PCDH9: variants seen among roughly 807,000 people sequenced by gnomAD.
The protein encoded by PCDH9 is protocadherin-9.
Under a neutral mutation model 70.6 loss-of-function variants are expected in PCDH9, and 24 were observed. That is an observed-to-expected ratio of 0.34 (90% CI 0.25 to 0.48). The LOEUF (loss-of-function observed/expected upper bound fraction) is 0.48. Among genes scored for constraint, PCDH9 ranks in the 20% least tolerant of loss-of-function variants. The pLI is 0.99. For synonymous variants in PCDH9, 562 were observed against 558.5 expected, an observed-to-expected ratio of 1.01 and a Z score of -0.09; for missense variants, 1,281 against 1,503.6, an observed-to-expected ratio of 0.85 and a Z score of 2.45.
chr13:66,734,486 C>T (rs957185142), intron 3 of PCDH9, among the ~76,000 whole-genome samples: 1 of 152,076 alleles, frequency 6.6e-6, no homozygotes, highest in African/African-American at 2.4e-5. Flanking sequence ...ATCTTGTGAA[C>T]CCTGCAAATT....
intron 2 of PCDH9, among the ~76,000 whole-genome samples, chr13:67,115,784 A>C (rs1414681646): frequency 6.6e-6 from 1 of 152,228 alleles, no homozygotes; most frequent in African/African-American, 2.4e-5. Context: ...TGGACCAAAT[A>C]GAATATCTTA....
At chr13:66,908,302 A>T (rs1269547574) in intron 2 of PCDH9, among the ~76,000 whole-genome samples, 3 of 152,194 alleles carry the variant, frequency 2.0e-5, no homozygotes, top group Non-Finnish European at 4.4e-5. Flanking sequence ...CAAGGATGCT[A>T]TACACTCATG....
chr13:66,961,831 T>C (rs1466963481), intron 2 of PCDH9, among the ~76,000 whole-genome samples: 1 of 151,204 alleles, frequency 6.6e-6, no homozygotes, highest in Non-Finnish European at 1.5e-5. Flanking sequence ...GGCGGGTGGC[T>C]CACGAGATCA....
At chr13:66,410,895 C>G (rs922894269) in intron 4 of PCDH9, among the ~76,000 whole-genome samples, 1 of 152,026 alleles carries the variant, frequency 6.6e-6, no homozygotes, top group African/African-American at 2.4e-5. Flanking sequence ...AGAAATGTAT[C>G]AATAATGAAA....
chr13:66,564,149 T>C (rs1593686865), intron 4 of PCDH9, among the ~76,000 whole-genome samples: 1 of 152,104 alleles, frequency 6.6e-6, no homozygotes, highest in African/African-American at 2.4e-5. Flanking sequence ...ACCACTTGTT[T>C]CAATGTTTTA....
At chr13:66,528,798 G>T (rs1306066179) in intron 4 of PCDH9, among the ~76,000 whole-genome samples, 1 of 152,014 alleles carries the variant, frequency 6.6e-6, no homozygotes, top group Non-Finnish European at 1.5e-5. Flanking sequence ...CTCCCCCTGA[G>T]AATTATAAAC....
At chr13:66,831,313 T>C (rs1260929134) in intron 3 of PCDH9, among the ~76,000 whole-genome samples, 1 of 152,182 alleles carries the variant, frequency 6.6e-6, no homozygotes, top group African/African-American at 2.4e-5. Context: ...TCTTTAACAT[T>C]GACAGAGTAC....
At chr13:66,756,362 T>A (rs569594710) in intron 3 of PCDH9, among the ~76,000 whole-genome samples, 1 of 152,192 alleles carries the variant, frequency 6.6e-6, no homozygotes, top group East Asian at 1.9e-4. Context: ...TAAATTAGCA[T>A]AGAAGACTAT....
intron 3 of PCDH9, among the ~76,000 whole-genome samples, chr13:66,765,027 G>C (rs969009004): frequency 6.9e-6 from 1 of 144,112 alleles, no homozygotes; most frequent in Non-Finnish European, 1.5e-5. Context: ...TTTCTCTTTC[G>C]CTCTCTCTCT....
intron 2 of PCDH9, among the ~76,000 whole-genome samples, chr13:67,072,556 T>C (rs973572169): frequency 1.3e-5 from 2 of 152,150 alleles, no homozygotes; most frequent in African/African-American, 4.8e-5. Flanking sequence ...AATCTTCCTT[T>C]TTTATAGGGA....
chr13:67,102,979 T>C (rs2086464515), intron 2 of PCDH9, among the ~76,000 whole-genome samples: 1 of 152,032 alleles, frequency 6.6e-6, no homozygotes, highest in Admixed American at 6.6e-5. Context: ...CACATTAAAA[T>C]ATACAGAAAA....
intron 3 of PCDH9, among the ~76,000 whole-genome samples, chr13:66,743,769 G>A (rs1052267090): frequency 7.2e-5 from 11 of 151,900 alleles, no homozygotes; most frequent in Admixed American, 1.3e-4. Context: ...TACAATTTTA[G>A]TCGTAAATGA....
chr13:66,951,241 T>C (rs1272133888), intron 2 of PCDH9, among the ~76,000 whole-genome samples: 3 of 152,132 alleles, frequency 2.0e-5, no homozygotes, highest in East Asian at 3.9e-4. Context: ...TTTGTAATAA[T>C]GTAAATAGTG....
chr13:67,217,687 T>C (rs2089638680), intron 2 of PCDH9: 1 of 152,132 alleles, frequency 6.6e-6, no homozygotes, highest in Non-Finnish European at 1.5e-5. Context: ...CCTATGAGGA[T>C]GGAAGCATTC....
At chr13:66,677,489 C>CGA (rs1355180862) in intron 3 of PCDH9, among the ~76,000 whole-genome samples, 4 of 152,046 alleles carry the variant, frequency 2.6e-5, no homozygotes, top group Admixed American at 1.3e-4. Flanking sequence ...CCCCAAGGCT[C>CGA]GAGGTAGAGC....
At chr13:66,898,031 T>C (rs551434746) in intron 3 of PCDH9, among the ~76,000 whole-genome samples, 2 of 152,186 alleles carry the variant, frequency 1.3e-5, no homozygotes, top group South Asian at 4.1e-4. Context: ...AGGTGCAGTT[T>C]TGGAACCTTC....
intron 2 of PCDH9, among the ~76,000 whole-genome samples, chr13:67,184,032 T>A (rs1465004250): frequency 6.6e-6 from 1 of 152,216 alleles, no homozygotes; most frequent in Non-Finnish European, 1.5e-5. Context: ...AAAACTAGTA[T>A]CCTGAATGTT....
At chr13:66,795,447 T>C (rs2080226512) in intron 3 of PCDH9, among the ~76,000 whole-genome samples, 1 of 152,182 alleles carries the variant, frequency 6.6e-6, no homozygotes, top group South Asian at 2.1e-4. Flanking sequence ...ACAAATAATT[T>C]ATAAATAGCT....
intron 4 of PCDH9, among the ~76,000 whole-genome samples, chr13:66,472,594 A>T (rs998186989): frequency 2.9e-4 from 44 of 152,278 alleles, no homozygotes; most frequent in African/African-American, 1.0e-3. Context: ...AACCAAACAC[A>T]TCCATATTAT....
Sources: allele counts gnomAD v4.1 joint callset (sites outside exome capture counted in the v4.1 genomes callset), GRCh38; gene constraint gnomAD v4.1.1; transcripts MANE v1.5; gene names NCBI Gene and HGNC (gene_info 2026-07-23, HGNC 2026-07-21).